Variants in CUBN observed in about 807,000 individuals in gnomAD.
The protein encoded by CUBN is 460 kDa receptor.
Under a neutral mutation model 405.3 loss-of-function variants are expected in CUBN, and 282 were observed. The ratio of observed to expected loss-of-function variants is 0.70; its 90% CI spans 0.63 to 0.77. The LOEUF is 0.77. Among genes scored for constraint, CUBN ranks in the 30% least tolerant of loss-of-function variants. The pLI is 0.00. For missense variants in CUBN, 4,514 were observed against 4,475.2 expected, an observed-to-expected ratio of 1.01 and a Z score of -0.25; for synonymous variants, 1,684 against 1,617.0, an observed-to-expected ratio of 1.04 and a Z score of -0.99.
rs1841446273 is a variant in CUBN, at chr10:16,903,172, C to T, written c.8062+794G>A. Among the ~76,000 whole-genome samples the T allele has an allele frequency of 3.9e-5, 6 of 152,268 alleles. No individual in the cohort carries two copies. The South Asian group carries it at 8.3e-4, about 21-fold the overall frequency. On this transcript the variant is annotated intron_variant, in intron 51 of 66. Coordinates refer to ENST00000377833, the MANE Select transcript of CUBN (RefSeq NM_001081.4). ...TCTTTCATATAATTCATCACATTAA[C>T]TTATGAAAGGAGAAAAAGTTGAATC...
At position 17,111,065 on chromosome 10, in the gene CUBN, G is replaced by C. The variant is rs565567546; in HGVS notation, c.884-15C>G. 4.3e-6 allele frequency: 7 copies of C among 1,613,704 alleles called. No homozygotes were observed. The highest frequency in any genetic ancestry group is 3.3e-5 in the South Asian group (3 of 91,076). On this transcript the variant is annotated splice_polypyrimidine_tract_variant and intron_variant, in intron 8 of 66. Coordinates refer to ENST00000377833, the MANE Select transcript of CUBN (RefSeq NM_001081.4). ...GCCTTGCCAGCCTAGGAAAACAAGAGGATTTAAAAGTTTAGCTCTATAGAC... is the reference window on the plus strand; with the variant it reads ...GCCTTGCCAGCCTAGGAAAACAAGACGATTTAAAAGTTTAGCTCTATAGAC...
chr10:16,974,502 C>G (rs1476260771), intron 31 of CUBN, among the ~76,000 whole-genome samples: 3 of 151,496 alleles, frequency 2.0e-5, no homozygotes, highest in African/African-American at 7.3e-5. Context: ...TGGCTCAATG[C>G]AAGCTCTGCC....
At chr10:16,986,253 C>T (rs1344454000) in intron 29 of CUBN, among the ~76,000 whole-genome samples, 1 of 151,908 alleles carries the variant, frequency 6.6e-6, no homozygotes, top group East Asian at 1.9e-4. Flanking sequence ...CTGGGCACAG[C>T]GCCCTCCCAC....
chr10:16,851,593 T>G (rs1430535940), intron 59 of CUBN, 150 bp from the exon 60 acceptor site: 5 of 750,218 alleles, frequency 6.7e-6, no homozygotes, highest in Admixed American at 2.0e-5. Flanking sequence ...CCTCCTTTCC[T>G]CCCTCCCTCT....
chr10:16,948,751 A>T, intron 34 of CUBN, 145 bp from the exon 35 acceptor site: 1 of 931,210 alleles, frequency 1.1e-6, no homozygotes, highest in South Asian at 1.4e-5. Flanking sequence ...ATTCAGGGTC[A>T]ATGTTTGAGA....
intron 43 of CUBN, among the ~76,000 whole-genome samples, chr10:16,921,189 C>T (rs920878916): frequency 5.9e-5 from 9 of 152,202 alleles, no homozygotes; most frequent in African/African-American, 2.2e-4. Context: ...CCTTGACTTT[C>T]CCCATTTCCT....
chr10:16,958,660 G>C (rs1212792823), intron 31 of CUBN, among the ~76,000 whole-genome samples: 1 of 152,060 alleles, frequency 6.6e-6, no homozygotes, highest in Non-Finnish European at 1.5e-5. Context: ...TAAAAATAAA[G>C]ACAGGGAGGC....
intron 55 of CUBN, 72 bp from the exon 56 acceptor site, chr10:16,888,638 G>T (rs1840894550): frequency 4.4e-6 from 6 of 1,349,898 alleles, no homozygotes; most frequent in Admixed American, 3.4e-5. Context: ...GAAGGAAAGA[G>T]GCATTTTCCT....
Position 16,900,621 on chromosome 10 carries a change from T to C in CUBN, c.8410+4A>G. The C allele has an allele frequency of 6.2e-7, 1 of 1,603,632 alleles. No homozygotes were observed. Among genetic ancestry groups the C allele is most frequent in the Non-Finnish European group, 8.5e-7 (1 of 1,170,302 alleles). ...AAATCAAATGGAGCAAACATTTCTT[T>C]TACCTAAAGTTTGTGTGTTCCACGT... On this transcript the variant is annotated splice_donor_region_variant and intron_variant, in intron 53 of 66. Transcript: ENST00000377833.
intron 33 of CUBN, 34 bp downstream of exon 33, chr10:16,952,242 T>C (rs1248501689): frequency 2.0e-6 from 3 of 1,472,210 alleles, no homozygotes; most frequent in Non-Finnish European, 2.9e-6. Context: ...CCTTCTCTCC[T>C]GTGTGCCTTT....
chr10:17,019,124 G>A (rs11254330), intron 28 of CUBN, among the ~76,000 whole-genome samples: 3,318 of 152,238 alleles, frequency 0.022, 91 homozygotes, highest in African/African-American at 0.061. Context: ...CTGCTCTCTA[G>A]GGACCACATT....
At chr10:16,918,541 C>T in intron 45 of CUBN, 81 bp downstream of exon 45, 9 of 1,075,230 alleles carry the variant, frequency 8.4e-6, no homozygotes, top group African/African-American at 1.6e-5. Flanking sequence ...TACAACAAAC[C>T]CCCAAACACG....
chr10:17,087,715 T>C (rs1344408231), intron 15 of CUBN, among the ~76,000 whole-genome samples: 1 of 152,110 alleles, frequency 6.6e-6, no homozygotes, highest in African/African-American at 2.4e-5. Flanking sequence ...CCTCAAGTGA[T>C]CTGCCCACCT....
intron 15 of CUBN, among the ~76,000 whole-genome samples, chr10:17,087,170 A>G (rs923632535): frequency 2.0e-5 from 3 of 152,160 alleles, no homozygotes; most frequent in Admixed American, 1.3e-4. Flanking sequence ...GGAAATGCGT[A>G]TTGTCTTTTT....
chr10:16,827,574 C>T (rs1403988126), intron 66 of CUBN, among the ~76,000 whole-genome samples: 6 of 152,156 alleles, frequency 3.9e-5, no homozygotes, highest in Non-Finnish European at 2.9e-5. Flanking sequence ...AACAGATACC[C>T]GCTTGCCAAC....
At chr10:16,867,393 T>C (rs531171774) in intron 59 of CUBN, among the ~76,000 whole-genome samples, 33 of 152,114 alleles carry the variant, frequency 2.2e-4, no homozygotes, top group Non-Finnish European at 3.8e-4. Flanking sequence ...CTCTCCTCAC[T>C]ACAAACAATA....
chr10:16,957,997 C>T (rs917045145), intron 31 of CUBN, among the ~76,000 whole-genome samples: 1 of 152,004 alleles, frequency 6.6e-6, no homozygotes, highest in African/African-American at 2.4e-5. Flanking sequence ...ATTCAAAGGT[C>T]CAAGGAATAA....
At chr10:16,949,591 T>C (rs7901441) in intron 34 of CUBN, among the ~76,000 whole-genome samples, 12,616 of 151,586 alleles carry the variant, frequency 0.083, 640 homozygotes, top group African/African-American at 0.14. Context: ...TAATTAATTA[T>C]CTAATTAAGT....
intron 60 of CUBN, among the ~76,000 whole-genome samples, chr10:16,841,980 C>G (rs537482585): frequency 6.7e-6 from 1 of 150,224 alleles, no homozygotes; most frequent in Admixed American, 6.6e-5. Flanking sequence ...TCCCAACATT[C>G]CCATCTCCTT....
Sources: gnomAD v4.1 joint callset for allele counts (sites outside exome capture counted in the v4.1 genomes callset) on GRCh38, gnomAD v4.1.1 for gene constraint, MANE v1.5 for transcripts, NCBI Gene and HGNC (gene_info 2026-07-23, HGNC 2026-07-21) for gene names.